Variants in LRRTM4 observed in about 807,000 individuals in gnomAD.
LRRTM4 encodes the protein leucine-rich repeat transmembrane neuronal protein 4.
A neutral mutation model predicts 47.6 loss-of-function variants in LRRTM4; 25 were observed. That is an observed-to-expected ratio of 0.53 (90% CI 0.38 to 0.73). The LOEUF is 0.73. Ranked by LOEUF, LRRTM4 falls within the 30% of genes least tolerant of loss-of-function variation. The pLI is 0.00. For missense variants in LRRTM4, 638 were observed against 713.4 expected (o/e 0.89, Z 1.20); for synonymous variants, 311 against 269.5 (o/e 1.15, Z -1.51).
At chr2:77,191,046 T>A (rs1673656171) in intron 3 of LRRTM4, among the ~76,000 whole-genome samples, 1 of 152,172 alleles carries the variant, frequency 6.6e-6, no homozygotes, top group African/African-American at 2.4e-5. Context: ...TGACTTAATA[T>A]AATTATAGCA....
At chr2:77,366,062 TAAGTC>T (rs1672440012) in intron 3 of LRRTM4, among the ~76,000 whole-genome samples, 1 of 151,704 alleles carries the variant, frequency 6.6e-6, no homozygotes, top group Non-Finnish European at 1.5e-5. Flanking sequence ...CTTTGAAAGT[TAAGTC>T]TAGCATATAA....
chr2:77,413,046 C>T (rs182680309), intron 3 of LRRTM4, among the ~76,000 whole-genome samples: 1 of 152,244 alleles, frequency 6.6e-6, no homozygotes, highest in East Asian at 1.9e-4. Context: ...AAAGACTTCT[C>T]CTTTTTTGGA....
At chr2:76,966,035 G>A (rs766400500) in intron 3 of LRRTM4, among the ~76,000 whole-genome samples, 6 of 151,398 alleles carry the variant, frequency 4.0e-5, no homozygotes, top group Non-Finnish European at 5.9e-5. Context: ...GCTACAAATC[G>A]TTCCTATCAT....
At chr2:76,784,276 TTATAATCC>T (rs1332744306) in intron 3 of LRRTM4, among the ~76,000 whole-genome samples, 1 of 152,058 alleles carries the variant, frequency 6.6e-6, no homozygotes, top group African/African-American at 2.4e-5. Context: ...AAGCGATGCT[TTATAATCC>T]TATGCATACT....
intron 3 of LRRTM4, among the ~76,000 whole-genome samples, chr2:77,277,478 A>G (rs1676393514): frequency 6.6e-6 from 1 of 152,046 alleles, no homozygotes; most frequent in South Asian, 2.1e-4. Flanking sequence ...AATATTTTCA[A>G]ATACTCAAGA....
intron 3 of LRRTM4, among the ~76,000 whole-genome samples, chr2:77,279,876 A>T (rs976587963): frequency 6.6e-6 from 1 of 151,956 alleles, no homozygotes; most frequent in African/African-American, 2.4e-5. Flanking sequence ...TATGAGAGGA[A>T]AAAAACAATA....
At chr2:76,793,602 C>T (rs1170614827) in intron 3 of LRRTM4, among the ~76,000 whole-genome samples, 1 of 99,166 alleles carries the variant, frequency 1.0e-5, no homozygotes, top group Non-Finnish European at 2.0e-5. Context: ...ACTGTGCTCT[C>T]GGTAAGTTAA....
At chr2:76,898,539 G>A (rs1673501399) in intron 3 of LRRTM4, among the ~76,000 whole-genome samples, 1 of 104,356 alleles carries the variant, frequency 9.6e-6, no homozygotes, top group African/African-American at 4.0e-5. Flanking sequence ...GGTAACAAGA[G>A]CAAAGCTCCG....
At chr2:77,125,804 T>G (rs1393654644) in intron 3 of LRRTM4, among the ~76,000 whole-genome samples, 1 of 151,886 alleles carries the variant, frequency 6.6e-6, no homozygotes, top group African/African-American at 2.4e-5. Context: ...AAATTTCATT[T>G]GAAGTTAGTA....
At chr2:76,775,811 G>C (rs574112766) in intron 3 of LRRTM4, among the ~76,000 whole-genome samples, 8 of 151,856 alleles carry the variant, frequency 5.3e-5, no homozygotes, top group African/African-American at 1.7e-4. Context: ...TATTGTGCAG[G>C]TTAGTTACAT....
At chr2:77,114,379 CAGG>C (rs928647892) in intron 3 of LRRTM4, among the ~76,000 whole-genome samples, 2 of 152,116 alleles carry the variant, frequency 1.3e-5, no homozygotes, top group African/African-American at 4.8e-5. Context: ...CTTGTTTTAA[CAGG>C]AGTTTAATAT....
intron 3 of LRRTM4, among the ~76,000 whole-genome samples, chr2:77,291,934 G>T (rs1042817996): frequency 2.6e-5 from 4 of 151,740 alleles, no homozygotes; most frequent in Non-Finnish European, 4.4e-5. Context: ...GAAAATTTTC[G>T]CAATCTACTC....
At chr2:76,767,540 C>T (rs1378976035) in intron 3 of LRRTM4, among the ~76,000 whole-genome samples, 1 of 151,240 alleles carries the variant, frequency 6.6e-6, no homozygotes, top group Non-Finnish European at 1.5e-5. Flanking sequence ...AGATACTCTG[C>T]CTTCAGAAAT....
intron 3 of LRRTM4, among the ~76,000 whole-genome samples, chr2:77,382,793 A>AT (rs1203908964): frequency 6.6e-6 from 1 of 152,064 alleles, no homozygotes; most frequent in African/African-American, 2.4e-5. Flanking sequence ...ACCTTTTTAA[A>AT]TTTTTTAACT....
At chr2:77,303,490 T>G (rs1026767907) in intron 3 of LRRTM4, among the ~76,000 whole-genome samples, 1 of 152,182 alleles carries the variant, frequency 6.6e-6, no homozygotes, top group Non-Finnish European at 1.5e-5. Flanking sequence ...ATGATTACTT[T>G]AAGTGGTGAG....
rs1309497407 is a variant in LRRTM4 at position 77,114,041 on chromosome 2, A to G, written c.1552-365125T>C. ...TCTCAACATCATCAGGTGGGGGAGG[A>G]GTAGGCGAAGGGAGAGGCTGATCAG... On this transcript the variant is annotated intron_variant, in intron 3 of 3. Coordinates refer to ENST00000409884, the MANE Select transcript of LRRTM4 (RefSeq NM_001134745.3). 5.9e-5 allele frequency among the ~76,000 whole-genome samples: 9 copies of G among 152,058 alleles called. No individual in the cohort carries two copies. The South Asian group carries it at 1.9e-3, about 32-fold the overall frequency.
At chr2:77,049,623 C>A (rs1459801768) in intron 3 of LRRTM4, among the ~76,000 whole-genome samples, 2 of 149,174 alleles carry the variant, frequency 1.3e-5, no homozygotes, top group Non-Finnish European at 3.0e-5. Context: ...CTTATTTGCC[C>A]ATTTTTAAAT....
intron 3 of LRRTM4, among the ~76,000 whole-genome samples, chr2:77,215,038 G>C (rs548027094): frequency 6.6e-5 from 10 of 152,042 alleles, no homozygotes; most frequent in Non-Finnish European, 1.5e-4. Flanking sequence ...AGAGGATAAG[G>C]ACTAGCCATA....
intron 3 of LRRTM4, among the ~76,000 whole-genome samples, chr2:77,472,855 A>G (rs1257816269): frequency 6.2e-5 from 6 of 97,390 alleles, no homozygotes; most frequent in Non-Finnish European, 1.6e-4. Flanking sequence ...AAATAAAGGA[A>G]GGAATAAATG....
Sources: gnomAD v4.1 joint callset for allele counts (sites outside exome capture counted in the v4.1 genomes callset) on GRCh38, gnomAD v4.1.1 for gene constraint, MANE v1.5 for transcripts, NCBI Gene and HGNC (gene_info 2026-07-23, HGNC 2026-07-21) for gene names.